The following ZNF823 variants were observed in gnomAD, a reference collection of about 807,000 sequenced individuals.
ZNF823 encodes the protein ZFP 36 for a zinc finger protein.
ZNF823 carries 5 observed loss-of-function variants against 11.4 expected under a neutral mutation model. That is an observed-to-expected ratio of 0.44 (90% CI 0.23 to 0.92). ZNF823 has a LOEUF of 0.92. ZNF823 is among the 40% of genes least tolerant of loss of function. The pLI is 0.24. For missense variants in ZNF823, 582 were observed against 738.5 expected (o/e 0.79, Z 2.46); for synonymous variants, 234 against 250.5 (o/e 0.93, Z 0.62).
intron 1 of ZNF823, among the ~76,000 whole-genome samples, chr19:11,732,763 C>T (rs1438777384): frequency 1.3e-5 from 2 of 152,220 alleles, no homozygotes; most frequent in African/African-American, 4.8e-5. Flanking sequence ...ACCTTCCTAG[C>T]GCATCCACGT....
At chr19:11,730,705 T>C (rs1009075706) in intron 1 of ZNF823, 1 of 152,158 alleles carries the variant, frequency 6.6e-6, no homozygotes, top group Non-Finnish European at 1.5e-5. Context: ...TGGAGATAAA[T>C]ATTTATAAGG....
intron 1 of ZNF823, among the ~76,000 whole-genome samples, chr19:11,731,138 C>T (rs1005071998): frequency 4.6e-4 from 69 of 151,386 alleles, no homozygotes; most frequent in African/African-American, 1.6e-3. Context: ...TATGGAGAAA[C>T]CCTGTCTCTA....
At chr19:11,728,522 A>T (rs1302472626) in intron 1 of ZNF823, among the ~76,000 whole-genome samples, 1 of 152,200 alleles carries the variant, frequency 6.6e-6, no homozygotes, top group Non-Finnish European at 1.5e-5. Flanking sequence ...ATGGGATGGG[A>T]GGATGGAATT....
At chr19:11,732,169 C>CTTTTTTTTTCT (rs1974909317) in intron 1 of ZNF823, among the ~76,000 whole-genome samples, 1 of 135,580 alleles carries the variant, frequency 7.4e-6, no homozygotes, top group Non-Finnish European at 1.6e-5. Context: ...AAAGGTTTCC[C>CTTTTTTTTTCT]TTTTTTTTTT....
At chr19:11,727,534 A>G (rs917335660) in intron 1 of ZNF823, among the ~76,000 whole-genome samples, 1 of 152,056 alleles carries the variant, frequency 6.6e-6, no homozygotes, top group Admixed American at 6.6e-5. Flanking sequence ...ACAAAAAACA[A>G]TAACAACAAA....
intron 1 of ZNF823, among the ~76,000 whole-genome samples, chr19:11,736,800 G>A (rs286262): frequency 0.44 from 67,012 of 151,978 alleles, 15,030 homozygotes; most frequent in African/African-American, 0.53. Flanking sequence ...TCCCACCCCA[G>A]TGCTGCTCAC....
At position 11,723,253 on chromosome 19, in the gene ZNF823, C is replaced by T. The variant is rs752998077; in HGVS notation, c.281G>A (p.Arg94Gln). 55 of 1,614,036 alleles carry T rather than the reference C, an allele frequency of 3.4e-5. No homozygotes were observed. Among genetic ancestry groups the T allele is most frequent in the Middle Eastern group, 3.3e-4 (2 of 6,060 alleles). Residue 94 changes from arginine to glutamine, a missense_variant, in exon 4 of 4, where the codon CGA becomes CAA. Arg to Gln is a conservative substitution (Grantham distance 43). This residue lies in a region of ZNF823 where 429 missense variants were observed against 553.7 expected (regional missense o/e 0.77). Transcript: ENST00000341191. ...PDSIVNKNTP[R>Q]VNPCDSGECG... ...CTCACCACTGTCACATGGATTTACT[C>T]GAGGAGTGTTCTTGTTCACAATACT...
intron 1 of ZNF823, among the ~76,000 whole-genome samples, chr19:11,727,721 G>A (rs1411047507): frequency 6.6e-6 from 1 of 152,098 alleles, no homozygotes; most frequent in Non-Finnish European, 1.5e-5. Flanking sequence ...ATTTGCCCTT[G>A]TCCCAATCCC....
At chr19:11,724,652 A>G (rs13382144) in intron 2 of ZNF823, among the ~76,000 whole-genome samples, 1,506 of 142,410 alleles carry the variant, frequency 0.011, 20 homozygotes, top group African/African-American at 0.038. Context: ...TCTGCCTCCC[A>G]GGTTCACGTC....
chr19:11,722,982 C>T lies in ZNF823; in HGVS notation c.552G>A (p.Ala184=), dbSNP rs753448096. The change falls in exon 4 of 4, where the codon GCG becomes GCA. Residue 184 remains alanine (A), a synonymous_variant. Coordinates refer to ENST00000341191, the MANE Select transcript of ZNF823 (RefSeq NM_001080493.4). The surrounding 1 kb of genome is among the most constrained non-coding windows in gnomAD (Gnocchi z 5.2). ...SSLGNLRRHM[A]AHHGDGPYKC... is the part of the protein sequence containing the mutation. ...TATAAGGTCCATCTCCATGGTGTGC[C>T]GCCATGTGTCTTCGGAGGTTTCCAA... The T allele has an allele frequency of 2.6e-5, 42 of 1,614,092 alleles. 1 individual carries two copies. The highest frequency in any genetic ancestry group is 6.7e-5 in the Admixed American group (4 of 60,000).
chr19:11,732,664 A>ACTTCGTGATCTGCCCAC (rs1470408510), intron 1 of ZNF823, among the ~76,000 whole-genome samples: 1 of 151,626 alleles, frequency 6.6e-6, no homozygotes, highest in African/African-American at 2.4e-5. Flanking sequence ...CGATCTCCTG[A>ACTTCGTGATCTGCCCAC]CTTCGTGATC....
intron 2 of ZNF823, 45 bp downstream of exon 2, chr19:11,725,156 C>T: frequency 1.3e-6 from 2 of 1,597,766 alleles, no homozygotes; most frequent in Non-Finnish European, 1.7e-6. Flanking sequence ...GGCCAGGAAA[C>T]AAATGTCTCT....
intron 1 of ZNF823, among the ~76,000 whole-genome samples, chr19:11,733,750 A>T (rs1221308060): frequency 6.6e-6 from 1 of 152,150 alleles, no homozygotes; most frequent in Non-Finnish European, 1.5e-5. Flanking sequence ...AGACCCAAAT[A>T]AACTCTCAGA....
In ZNF823 at chr19:11,721,743, G is replaced by A; in HGVS notation, c.1791C>T (p.Ser597=). 6.2e-7 allele frequency: 1 copy of A among 1,613,754 alleles called. No individual in the cohort carries two copies. Among genetic ancestry groups the A allele is most frequent in the Admixed American group, 1.7e-5 (1 of 59,988 alleles). ...ECGKALSSLR[S]LHRHKRTHWK... Reference sequence around the variant, plus strand: ...AGTGAGTCCTTTTATGTCTATGCAAGGAACGGAGAGAACTCAATGCTTTCC... The same window carrying A: ...AGTGAGTCCTTTTATGTCTATGCAAAGAACGGAGAGAACTCAATGCTTTCC... Residue 597 remains serine, a synonymous_variant, in exon 4 of 4, where the codon TCC becomes TCT. Coordinates refer to ENST00000341191, the MANE Select transcript of ZNF823 (RefSeq NM_001080493.4).
At chr19:11,737,639 C>T (rs565950372) in intron 1 of ZNF823, among the ~76,000 whole-genome samples, 58 of 139,718 alleles carry the variant, frequency 4.2e-4, no homozygotes, top group African/African-American at 1.4e-3. Flanking sequence ...TGTTCACAAA[C>T]ACAAAAACAC....
intron 2 of ZNF823, among the ~76,000 whole-genome samples, chr19:11,724,589 C>T (rs1001093263): frequency 6.1e-5 from 9 of 148,274 alleles, no homozygotes; most frequent in Non-Finnish European, 8.9e-5. Context: ...GACAGAGTCC[C>T]GCTCTGTCGC....
At chr19:11,733,403 G>T (rs1028329949) in intron 1 of ZNF823, among the ~76,000 whole-genome samples, 5 of 148,832 alleles carry the variant, frequency 3.4e-5, no homozygotes, top group African/African-American at 4.9e-5. Context: ...AAGAAACAAT[G>T]ACCAAATATG....
rs781589698 is a variant in ZNF823 at position 11,722,907 on chromosome 19, C to A, written c.627G>T (p.Leu209Phe). 6.2e-7 allele frequency: 1 copy of A among 1,614,142 alleles called. No homozygotes were observed. ...KAFVWPSLFH[L>F]HERTHTGEKP... Reference sequence around the variant, plus strand: ...TCTCTCCAGTGTGTGTTCTTTCGTGCAAATGAAATAAACTGGGCCAAACAA... The same window carrying A: ...TCTCTCCAGTGTGTGTTCTTTCGTGAAAATGAAATAAACTGGGCCAAACAA... The change falls in exon 4 of 4, where the codon TTG (leucine) becomes TTT (phenylalanine). Residue 209 changes from leucine to phenylalanine, a missense_variant. Coordinates refer to ENST00000341191, the MANE Select transcript of ZNF823 (RefSeq NM_001080493.4). The surrounding 1 kb of genome is among the most constrained non-coding windows in gnomAD (Gnocchi z 5.2).
chr19:11,729,072 G>T (rs1372364728), intron 1 of ZNF823, among the ~76,000 whole-genome samples: 2 of 151,992 alleles, frequency 1.3e-5, no homozygotes, highest in Non-Finnish European at 2.9e-5. Flanking sequence ...CTACTTGGGA[G>T]GCTGAGGCAT....
Sources: gnomAD v4.1 joint callset for allele counts (sites outside exome capture counted in the v4.1 genomes callset) on GRCh38, gnomAD v4.1.1 for gene constraint, gnomAD v4.1.1 regional missense constraint, Gnocchi (gnomAD v3.1) non-coding constraint, MANE v1.5 for transcripts, NCBI Gene and HGNC (gene_info 2026-07-23, HGNC 2026-07-21) for gene names.